DNAH6: variants seen among roughly 807,000 people sequenced by gnomAD.
The protein encoded by DNAH6 is dynein axonemal heavy chain 6.
In DNAH6, 340 loss-of-function variants were observed where a neutral mutation model predicts 491.4. The ratio of observed to expected loss-of-function variants is 0.69; its 90% CI spans 0.63 to 0.76. The LOEUF is 0.76. Among genes scored for constraint, DNAH6 ranks in the 30% least tolerant of loss-of-function variants. DNAH6 has a pLI of 0.00. For missense variants in DNAH6, 4,443 were observed against 4,972.2 expected, an observed-to-expected ratio of 0.89 and a Z score of 3.20; for synonymous variants, 1,603 against 1,686.1, an observed-to-expected ratio of 0.95 and a Z score of 1.21.
At chr2:84,478,736 G>C in the DNAH6 span, among the ~76,000 whole-genome samples, 1 of 152,094 alleles carries the variant, frequency 6.6e-6, no homozygotes, top group Non-Finnish European at 1.5e-5. Context: ...TTTGTTATAG[G>C]CCCAACAACA....
chr2:84,459,573 T>G, the DNAH6 span: 3 of 306,302 alleles, frequency 9.8e-6, no homozygotes, highest in African/African-American at 2.2e-5. Context: ...GACTGGTTCG[T>G]AGCTTTTGAG....
intron 4 of DNAH6, among the ~76,000 whole-genome samples, chr2:84,537,343 A>T (rs1677792466): frequency 6.6e-6 from 1 of 151,992 alleles, no homozygotes; most frequent in African/African-American, 2.4e-5. Context: ...GCCCTGTAGG[A>T]ATGCTGAAAT....
At chr2:84,621,584 T>G in intron 26 of DNAH6, 33 bp downstream of exon 26, 1 of 1,356,282 alleles carries the variant, frequency 7.4e-7, no homozygotes, top group African/African-American at 1.5e-5. Flanking sequence ...ATTGTTGTCC[T>G]GCAAGATGGT....
chr2:84,564,240 T>A (rs560795169), intron 11 of DNAH6, among the ~76,000 whole-genome samples: 110 of 152,304 alleles, frequency 7.2e-4, no homozygotes, highest in East Asian at 9.7e-4. Context: ...AAAAAAGATA[T>A]AAATAGTTTG....
upstream of DNAH6, among the ~76,000 whole-genome samples, chr2:84,513,836 C>A (rs1380901): frequency 0.95 from 145,311 of 152,244 alleles, 69,384 homozygotes; most frequent in East Asian, 1. Flanking sequence ...GTCTATACTC[C>A]TAAATTCCTG....
At chr2:84,794,113 T>C (rs1395858582) in intron 68 of DNAH6, among the ~76,000 whole-genome samples, 1 of 152,164 alleles carries the variant, frequency 6.6e-6, no homozygotes, top group Non-Finnish European at 1.5e-5. Flanking sequence ...CTGGGAAAAC[T>C]GGCTAGCCAT....
At chr2:84,477,967 A>G in the DNAH6 span, among the ~76,000 whole-genome samples, 1 of 152,240 alleles carries the variant, frequency 6.6e-6, no homozygotes, top group African/African-American at 2.4e-5. Context: ...TCTAAAGGAA[A>G]AACAGCTGCT....
intron 64 of DNAH6, among the ~76,000 whole-genome samples, chr2:84,764,558 G>A (rs973951573): frequency 5.9e-5 from 9 of 152,218 alleles, no homozygotes; most frequent in African/African-American, 1.9e-4. Context: ...AAGTCGGAGG[G>A]CATCTTCAAT....
chr2:84,559,491 G>A (rs113356728), intron 11 of DNAH6, among the ~76,000 whole-genome samples: 55 of 152,246 alleles, frequency 3.6e-4, no homozygotes, highest in African/African-American at 1.3e-3. Context: ...AGGCTGTAGT[G>A]AGCCAAGATC....
At chr2:84,514,904 T>C (rs1675489271), upstream of DNAH6, among the ~76,000 whole-genome samples, 1 of 43,456 alleles carries the variant, frequency 2.3e-5, no homozygotes, top group African/African-American at 1.3e-4. Context: ...CACACACTTC[T>C]TAGCTTTTGG....
chr2:84,647,223 G>A (rs11897071), intron 33 of DNAH6, among the ~76,000 whole-genome samples: 10,519 of 152,214 alleles, frequency 0.069, 1,210 homozygotes, highest in African/African-American at 0.24. Context: ...CTAGCTTCAT[G>A]AAGGTTTCTT....
intron 4 of DNAH6, among the ~76,000 whole-genome samples, chr2:84,541,656 G>A (rs1415944624): frequency 2.0e-5 from 3 of 152,224 alleles, no homozygotes; most frequent in Non-Finnish European, 4.4e-5. Context: ...TTAGAGAAAA[G>A]TGAGGTGAAA....
Position 84,762,832 on chromosome 2 carries a change from T to C in DNAH6, c.10590T>C (p.Pro3530=). The C allele has an allele frequency of 6.4e-7, 1 of 1,551,304 alleles. No homozygotes were observed. Among genetic ancestry groups the C allele is most frequent in the Non-Finnish European group, 8.7e-7 (1 of 1,146,652 alleles). ...TAGAGACACCACCTGTGGACCTGCC[T>C]ACCCTGTATCAAGACATGTCATGCA... ...QFIETPPVDL[P]TLYQDMSCNT... The change falls in exon 64 of 77, where the codon CCT becomes CCC. Residue 3530 remains proline (P), a synonymous_variant. Coordinates refer to ENST00000389394, the MANE Select transcript of DNAH6 (RefSeq NM_001370.2).
chr2:84,557,921 A>T lies in DNAH6; in HGVS notation c.1789A>T (p.Ile597Phe). The T allele has an allele frequency of 6.2e-7, 1 of 1,606,950 alleles. No homozygotes were observed. Among genetic ancestry groups the T allele is most frequent in the Non-Finnish European group, 8.5e-7 (1 of 1,175,186 alleles). ...FEDDKNFHTI[I>F]SQIKETIQAA... ...GGATGATAAGAATTTTCACACAATT[A>T]TTTCTCAAATAAAGGTATGTTTACT... Residue 597 changes from isoleucine to phenylalanine, a missense_variant, in exon 11 of 77, where the codon ATT (isoleucine) becomes TTT (phenylalanine). Transcript: ENST00000389394.
the DNAH6 span, among the ~76,000 whole-genome samples, chr2:84,486,087 G>T: frequency 6.6e-6 from 1 of 152,124 alleles, no homozygotes; most frequent in Admixed American, 6.6e-5. Flanking sequence ...TCAACTTTGT[G>T]TGATAATATG....
In DNAH6 at chr2:84,681,509, C is replaced by G. The variant is rs1693771047; in HGVS notation, c.6897C>G (p.Asp2299Glu). 6.5e-7 allele frequency: 1 copy of G among 1,548,446 alleles called. No individual in the cohort carries two copies. The highest frequency in any genetic ancestry group is 8.7e-7 in the Non-Finnish European group (1 of 1,145,698). Residue 2299 changes from aspartate (D) to glutamate (E), a missense_variant, in exon 42 of 77, where the codon GAC becomes GAG. Coordinates refer to ENST00000389394, the MANE Select transcript of DNAH6 (RefSeq NM_001370.2). The part of the protein sequence containing the change: ...AKSHYVFNLR[D>E]LSKCVQGILQ... ...CCCATTATGTCTTTAACTTGAGGGA[C>G]TTATCCAAATGTGTGCAAGGTAGTG...
chr2:84,712,779 C>G (rs1573571884), intron 56 of DNAH6, among the ~76,000 whole-genome samples: 1 of 152,140 alleles, frequency 6.6e-6, no homozygotes, highest in South Asian at 2.1e-4. Context: ...TTGTGTGGAG[C>G]CTGTTGAAGT....
At chr2:84,554,070 C>A in intron 10 of DNAH6, among the ~76,000 whole-genome samples, 1 of 152,182 alleles carries the variant, frequency 6.6e-6, no homozygotes, top group East Asian at 1.9e-4. Context: ...GTCCGAGAAA[C>A]CATCTGTAGT....
the DNAH6 span, chr2:84,460,172 T>C: frequency 6.6e-6 from 1 of 152,224 alleles, no homozygotes; most frequent in Admixed American, 6.5e-5. Flanking sequence ...AAAATTGCAA[T>C]CCTAATTTAC....
Sources: allele counts gnomAD v4.1 joint callset (sites outside exome capture counted in the v4.1 genomes callset), GRCh38; gene constraint gnomAD v4.1.1; transcripts MANE v1.5; gene names NCBI Gene and HGNC (gene_info 2026-07-23, HGNC 2026-07-21).